The following PDCD6IP variants were observed in gnomAD, a reference collection of about 807,000 sequenced individuals.
PDCD6IP encodes programmed cell death 6 interacting protein, also known as programmed cell death 6-interacting protein.
In PDCD6IP, 43 loss-of-function variants were observed where a neutral mutation model predicts 103.7. The ratio of observed to expected loss-of-function variants is 0.41; its 90% confidence interval spans 0.32 to 0.53. The LOEUF (loss-of-function observed/expected upper bound fraction) is 0.53, where lower values mean the gene tolerates loss of function less well. Ranked by LOEUF, PDCD6IP falls within the 20% of genes least tolerant of loss-of-function variation. PDCD6IP has a pLI of 0.16. For synonymous variants in PDCD6IP, 354 were observed against 378.7 expected, an observed-to-expected ratio of 0.93 and a Z score of 0.76; for missense variants, 871 against 1,036.7, an observed-to-expected ratio of 0.84 and a Z score of 2.20.
At chr3:33,863,953 G>T in intron 15 of PDCD6IP, 53 bp from the exon 16 acceptor site, 1 of 1,135,204 alleles carries the variant, frequency 8.8e-7, no homozygotes. Context: ...GATATTTTAT[G>T]TGTGTTAATT....
chr3:33,857,442 AC>A (rs986185606), intron 15 of PDCD6IP, among the ~76,000 whole-genome samples: 36 of 152,082 alleles, frequency 2.4e-4, no homozygotes, highest in Non-Finnish European at 2.1e-4. Flanking sequence ...GGGGTGAGCC[AC>A]CCCCCCAGCC....
chr3:33,861,587 C>T (rs761934021), intron 15 of PDCD6IP, among the ~76,000 whole-genome samples: 7 of 152,152 alleles, frequency 4.6e-5, no homozygotes, highest in Non-Finnish European at 8.8e-5. Context: ...GGGTATATAT[C>T]GAGGTCAAAG....
At chr3:33,859,447 C>T (rs1421478824) in intron 15 of PDCD6IP, among the ~76,000 whole-genome samples, 1 of 151,676 alleles carries the variant, frequency 6.6e-6, no homozygotes. Context: ...TATTCACAGG[C>T]AAAAGGCTAA....
chr3:33,866,326 A>T, intron 17 of PDCD6IP, 25 bp from the exon 18 acceptor site: 2 of 1,388,156 alleles, frequency 1.4e-6, no homozygotes, highest in Non-Finnish European at 1.9e-6. Context: ...TTACCAATCA[A>T]GATTTTTCTG....
chr3:33,838,176 T>G lies in PDCD6IP; in HGVS notation c.1058-28T>G, dbSNP rs1697392245. The G allele has an allele frequency of 4.4e-6, 7 of 1,607,888 alleles. No homozygotes were observed. The East Asian group carries it at 1.6e-4, about 36-fold the overall frequency. On this transcript the variant is annotated intron_variant, in intron 8 of 17. Transcript: ENST00000307296. The stretch of plus-strand genomic sequence containing the variant: ...CAGTTCGGGTTTTTGTCTAAAAATT[T>G]TGTTGTAATTTCTCTTCCTAATTTT...
At chr3:33,848,158 G>T (rs1217580713) in intron 12 of PDCD6IP, among the ~76,000 whole-genome samples, 4 of 152,096 alleles carry the variant, frequency 2.6e-5, no homozygotes, top group Non-Finnish European at 5.9e-5. Flanking sequence ...ACAATGACTG[G>T]AATCTGTTTG....
At chr3:33,853,285 A>G (rs934127457) in intron 13 of PDCD6IP, among the ~76,000 whole-genome samples, 1 of 152,120 alleles carries the variant, frequency 6.6e-6, no homozygotes, top group African/African-American at 2.4e-5. Context: ...GATACTTCAG[A>G]TATTTTTCAT....
chr3:33,814,815 G>A lies in PDCD6IP; in HGVS notation c.334+1187G>A, dbSNP rs971769125. Among the ~76,000 whole-genome samples the A allele has an allele frequency of 1.9e-4, 26 of 139,476 alleles. No individual in the cohort carries two copies. In the Admixed American group the frequency reaches 2.0e-3, roughly 11 times the overall value. 91.5% of individuals were successfully genotyped at this position (139,476 alleles called of 152,430 possible). On this transcript the variant is annotated intron_variant, in intron 3 of 17. Coordinates refer to ENST00000307296, the MANE Select transcript of PDCD6IP (RefSeq NM_013374.6). ...ATATATACATTTATGTGTATGTATA[G>A]TATATATAATATGTATACTATATGC... is the stretch of plus-strand genomic sequence containing the variant.
chr3:33,850,442 T>C (rs1198378046), intron 12 of PDCD6IP, among the ~76,000 whole-genome samples: 3 of 152,158 alleles, frequency 2.0e-5, no homozygotes, highest in Non-Finnish European at 2.9e-5. Context: ...TCTACTTCTT[T>C]CCTGTATACT....
At position 33,798,849 on chromosome 3, in the gene PDCD6IP, C is replaced by G; in HGVS notation, c.121C>G (p.Arg41Gly). ...CGGGGAAGAGCAGGCCCAGTACTGC[C>G]GCGCGGCGGAGGAGCTCAGCAAGCT... is the stretch of plus-strand genomic sequence containing the variant. The part of the protein sequence containing the change: ...SGGEEQAQYC[R>G]AAEELSKLRR... Residue 41 changes from arginine (R) to glycine (G), a missense_variant, in exon 1 of 18, where the codon CGC becomes GGC. By Grantham distance (125) the Arg-to-Gly change is moderately radical (BLOSUM62 -2). Transcript: ENST00000307296. The G allele has an allele frequency of 6.4e-7, 1 of 1,554,704 alleles. No individual in the cohort carries two copies. Among genetic ancestry groups the G allele is most frequent in the Non-Finnish European group, 8.7e-7 (1 of 1,148,992 alleles).
At chr3:33,818,656 C>T (rs1696918936) in intron 3 of PDCD6IP, among the ~76,000 whole-genome samples, 1 of 149,586 alleles carries the variant, frequency 6.7e-6, no homozygotes, top group Non-Finnish European at 1.5e-5. Flanking sequence ...GTAGCTGGGA[C>T]TACAGGTGTG....
At chr3:33,836,915 A>AT (rs928205758) in intron 8 of PDCD6IP, among the ~76,000 whole-genome samples, 2 of 151,000 alleles carry the variant, frequency 1.3e-5, no homozygotes, top group Admixed American at 6.6e-5. Flanking sequence ...AAAAATATAT[A>AT]TTTTTTTCTT....
At position 33,852,835 on chromosome 3, in the gene PDCD6IP, A is replaced by G. The variant is rs543511514; in HGVS notation, c.1890+99A>G. ...TCAGTTAGGAAAATGACATTGGAGA[A>G]TATCTGTAGTTAAGAGTAGAACTTA... On this transcript the variant is annotated intron_variant, in intron 13 of 17. Transcript: ENST00000307296. 23 of 1,374,370 alleles carry G rather than the reference A, an allele frequency of 1.7e-5. No individual in the cohort carries two copies. The Admixed American group carries it at 1.7e-4, about 10-fold the overall frequency. The allele number at this position is 1,374,370 out of a possible 1,614,324, so 85.1% of individuals were successfully genotyped here.
chr3:33,859,902 C>T (rs1267019305), intron 15 of PDCD6IP, among the ~76,000 whole-genome samples: 1 of 152,032 alleles, frequency 6.6e-6, no homozygotes, highest in Non-Finnish European at 1.5e-5. Flanking sequence ...TTGCAAATAG[C>T]AGTAAAAAAG....
chr3:33,801,402 G>T (rs1328759478), intron 1 of PDCD6IP, among the ~76,000 whole-genome samples: 1 of 152,102 alleles, frequency 6.6e-6, no homozygotes, highest in Non-Finnish European at 1.5e-5. Flanking sequence ...TCCATATATT[G>T]CTCCAGTGAT....
At chr3:33,821,176 A>AT (rs201181955) in intron 3 of PDCD6IP, among the ~76,000 whole-genome samples, 38,102 of 144,120 alleles carry the variant, frequency 0.26, 5,073 homozygotes, top group East Asian at 0.39. Flanking sequence ...TTTAAAAACA[A>AT]TTTTTTTTTT....
chr3:33,837,780 G>GT (rs1486604125), intron 8 of PDCD6IP, among the ~76,000 whole-genome samples: 4 of 152,114 alleles, frequency 2.6e-5, no homozygotes, highest in Non-Finnish European at 5.9e-5. Flanking sequence ...TAGAGATGGG[G>GT]TTTTGCCAAG....
At chr3:33,836,981 G>A (rs919952607) in intron 8 of PDCD6IP, among the ~76,000 whole-genome samples, 25 of 151,628 alleles carry the variant, frequency 1.6e-4, no homozygotes, top group Admixed American at 5.3e-4. Context: ...GAGTGCAATG[G>A]TGCTGTCTCC....
At chr3:33,849,927 ATT>A (rs147987518) in intron 12 of PDCD6IP, among the ~76,000 whole-genome samples, 1 of 151,330 alleles carries the variant, frequency 6.6e-6, no homozygotes, top group Non-Finnish European at 1.5e-5. Context: ...TTGAAATGGC[ATT>A]TTTTTTTCCC....
Sources: gnomAD v4.1 joint callset for allele counts (sites outside exome capture counted in the v4.1 genomes callset) on GRCh38, gnomAD v4.1.1 for gene constraint, MANE v1.5 for transcripts, NCBI Gene and HGNC (gene_info 2026-07-23, HGNC 2026-07-21) for gene names.